GRM1: variants seen among roughly 807,000 people sequenced by gnomAD.
The protein encoded by GRM1 is metabotropic glutamate receptor 1.
Under a neutral mutation model 90.9 loss-of-function variants are expected in GRM1, and 33 were observed. The ratio of observed to expected loss-of-function variants is 0.36; its 90% CI spans 0.28 to 0.49. GRM1 has a LOEUF of 0.49. Among genes scored for constraint, GRM1 ranks in the 20% least tolerant of loss-of-function variants. The probability of loss-of-function intolerance (pLI) is 0.99; values close to 1 mark genes in which losing one functional copy is unlikely to be tolerated. For missense variants in GRM1, 1,190 were observed against 1,534.3 expected, an observed-to-expected ratio of 0.78 and a Z score of 3.75; for synonymous variants, 700 against 613.2, an observed-to-expected ratio of 1.14 and a Z score of -2.09.
chr6:146,426,913 T>G (rs1778232725), intron 7 of GRM1, among the ~76,000 whole-genome samples: 1 of 152,148 alleles, frequency 6.6e-6, no homozygotes, highest in Non-Finnish European at 1.5e-5. Flanking sequence ...TGTTTGTGAC[T>G]CCCACTCACA....
At chr6:146,243,409 T>C (rs533902362) in intron 2 of GRM1, among the ~76,000 whole-genome samples, 33 of 152,226 alleles carry the variant, frequency 2.2e-4, no homozygotes, top group East Asian at 2.1e-3. Flanking sequence ...ATCTCTGGAA[T>C]GTTCTTGTGT....
chr6:146,143,610 T>G (rs561281028), intron 1 of GRM1, among the ~76,000 whole-genome samples: 1 of 152,210 alleles, frequency 6.6e-6, no homozygotes, highest in Non-Finnish European at 1.5e-5. Flanking sequence ...TTGGCAAAAA[T>G]GAATCTGCAG....
chr6:146,180,192 C>G lies in GRM1; in HGVS notation c.950+20595C>G, dbSNP rs777097413. Reference sequence around the variant, plus strand: ...CAAAAAACTCTTCTTAAAAGATTATCTGTATTTTTCTATCATTTCTTAACT... The same window carrying G: ...CAAAAAACTCTTCTTAAAAGATTATGTGTATTTTTCTATCATTTCTTAACT... On this transcript the variant is annotated intron_variant, in intron 2 of 7. Coordinates refer to ENST00000282753, the MANE Select transcript of GRM1 (RefSeq NM_001278064.2). Among the ~76,000 whole-genome samples, 7 of 151,406 alleles carry G rather than the reference C, an allele frequency of 4.6e-5. 1 individual carries two copies. Among genetic ancestry groups the G allele is most frequent in the Non-Finnish European group, 7.4e-5 (5 of 67,618 alleles).
At chr6:146,128,735 A>G (rs1161212851) in intron 1 of GRM1, among the ~76,000 whole-genome samples, 2 of 152,214 alleles carry the variant, frequency 1.3e-5, no homozygotes, top group African/African-American at 2.4e-5. Context: ...CAAAATTAAT[A>G]TAACAAATAA....
intron 1 of GRM1, among the ~76,000 whole-genome samples, chr6:146,039,337 C>A (rs1037824917): frequency 2.6e-5 from 4 of 151,970 alleles, no homozygotes; most frequent in African/African-American, 9.7e-5. Flanking sequence ...TCAGTAAAAG[C>A]ACTGACATAG....
intron 7 of GRM1, among the ~76,000 whole-genome samples, chr6:146,400,707 T>C (rs1411163524): frequency 6.6e-6 from 1 of 152,136 alleles, no homozygotes; most frequent in Non-Finnish European, 1.5e-5. Context: ...AACCGAAGTA[T>C]CCAAAGATTA....
intron 1 of GRM1, among the ~76,000 whole-genome samples, chr6:146,130,786 A>G (rs1402512131): frequency 6.6e-6 from 1 of 152,200 alleles, no homozygotes; most frequent in Non-Finnish European, 1.5e-5. Flanking sequence ...GTAGTGCAAT[A>G]GTAATGCAAC....
intron 2 of GRM1, among the ~76,000 whole-genome samples, chr6:146,277,169 T>C (rs1782404787): frequency 6.6e-6 from 1 of 152,150 alleles, no homozygotes; most frequent in African/African-American, 2.4e-5. Context: ...AAGTTTGGTG[T>C]GTGATTGTTT....
chr6:146,263,409 A>G (rs1418387410), intron 2 of GRM1, among the ~76,000 whole-genome samples: 1 of 152,028 alleles, frequency 6.6e-6, no homozygotes, highest in Non-Finnish European at 1.5e-5. Flanking sequence ...TTAACCAAAC[A>G]TAGTGCTATT....
At chr6:146,112,045 C>A (rs1331176778) in intron 1 of GRM1, among the ~76,000 whole-genome samples, 1 of 152,154 alleles carries the variant, frequency 6.6e-6, no homozygotes, top group Admixed American at 6.6e-5. Context: ...GTGAGTGTTA[C>A]CCCAGTGCAC....
chr6:146,384,815 TAG>T (rs1480403868), intron 5 of GRM1, among the ~76,000 whole-genome samples: 1 of 151,992 alleles, frequency 6.6e-6, no homozygotes, highest in East Asian at 1.9e-4. Flanking sequence ...AATAACATAT[TAG>T]AAGTTATACA....
At chr6:146,143,117 C>A (rs1776950647) in intron 1 of GRM1, among the ~76,000 whole-genome samples, 1 of 152,150 alleles carries the variant, frequency 6.6e-6, no homozygotes, top group Non-Finnish European at 1.5e-5. Flanking sequence ...GATAATGAAT[C>A]CTCCAGGACT....
At chr6:146,288,672 A>G (rs1386001955) in intron 2 of GRM1, among the ~76,000 whole-genome samples, 2 of 151,896 alleles carry the variant, frequency 1.3e-5, no homozygotes, top group Non-Finnish European at 2.9e-5. Flanking sequence ...TGCCCGGCTA[A>G]TTTTTGTATT....
chr6:146,118,998 T>A (rs1775874918), intron 1 of GRM1, among the ~76,000 whole-genome samples: 1 of 152,244 alleles, frequency 6.6e-6, no homozygotes, highest in Admixed American at 6.5e-5. Context: ...TAGTTCTAGA[T>A]CCTTGAGGAA....
intron 4 of GRM1, among the ~76,000 whole-genome samples, chr6:146,353,000 A>G (rs1169079572): frequency 2.0e-5 from 3 of 152,238 alleles, no homozygotes; most frequent in East Asian, 1.9e-4. Context: ...TTGTGCTAAC[A>G]TATGTCTTGG....
chr6:146,237,866 T>G (rs1435247009), intron 2 of GRM1, among the ~76,000 whole-genome samples: 2 of 152,196 alleles, frequency 1.3e-5, no homozygotes, highest in African/African-American at 4.8e-5. Context: ...AAGTACAGAC[T>G]ACGTACTCAA....
chr6:146,375,610 A>T (rs1302455599), intron 5 of GRM1, among the ~76,000 whole-genome samples: 1 of 151,962 alleles, frequency 6.6e-6, no homozygotes, highest in Non-Finnish European at 1.5e-5. Context: ...AAATTGTTAT[A>T]TTCTCCAGTT....
chr6:146,294,157 G>A (rs1230332090), intron 2 of GRM1, among the ~76,000 whole-genome samples: 1 of 151,222 alleles, frequency 6.6e-6, no homozygotes, highest in African/African-American at 2.4e-5. Context: ...ATTTTCTTAA[G>A]TTGAAAATAA....
intron 2 of GRM1, among the ~76,000 whole-genome samples, chr6:146,291,575 C>T (rs953935596): frequency 4.6e-5 from 7 of 151,480 alleles, no homozygotes; most frequent in Non-Finnish European, 1.0e-4. Context: ...ACTTCTTAAA[C>T]GTAACCATGA....
Sources: allele counts gnomAD v4.1 joint callset (sites outside exome capture counted in the v4.1 genomes callset), GRCh38; gene constraint gnomAD v4.1.1; transcripts MANE v1.5; gene names NCBI Gene and HGNC (gene_info 2026-07-23, HGNC 2026-07-21).